Variants in BMPER observed in about 807,000 individuals in gnomAD.
BMPER encodes BMP binding endothelial regulator, also known as BMP-binding endothelial regulator protein.
Under a neutral mutation model 87.3 loss-of-function variants are expected in BMPER, and 45 were observed. That is an observed-to-expected ratio of 0.52 (90% CI 0.41 to 0.66). The LOEUF is 0.66. Ranked by LOEUF, BMPER falls within the 30% of genes least tolerant of loss-of-function variation. The pLI is 0.00. For synonymous variants in BMPER, 326 were observed against 316.2 expected (o/e 1.03, Z -0.33); for missense variants, 784 against 867.5 (o/e 0.90, Z 1.21).
chr7:34,075,575 A>T (rs1788843505), intron 11 of BMPER, among the ~76,000 whole-genome samples: 1 of 152,200 alleles, frequency 6.6e-6, no homozygotes, highest in African/African-American at 2.4e-5. Context: ...ATAAGCTGGC[A>T]TCTTTCTCCC....
chr7:34,125,035 C>A (rs1487295212), intron 13 of BMPER, among the ~76,000 whole-genome samples: 3 of 149,332 alleles, frequency 2.0e-5, no homozygotes, highest in Non-Finnish European at 4.4e-5. Context: ...ATATATTATT[C>A]TTCTAATATA....
chr7:34,060,185 C>T (rs566635656), intron 10 of BMPER, among the ~76,000 whole-genome samples: 1 of 152,178 alleles, frequency 6.6e-6, no homozygotes, highest in Admixed American at 6.5e-5. Flanking sequence ...TTTATTCCCC[C>T]ATCTAATTTA....
rs376348056 is a variant in BMPER at position 34,143,247 on chromosome 7, T to C, written c.1763T>C (p.Met588Thr). ...TCCTATAGGTCCTGTGTGACAGACATGTGTGAATGTCCAGTCCATAAAAAC... is the reference window on the plus strand; with the variant it reads ...TCCTATAGGTCCTGTGTGACAGACACGTGTGAATGTCCAGTCCATAAAAAC... ...ATFYRSCVTDMCECPVHKNCY... is the reference protein window; with the variant it reads ...ATFYRSCVTDTCECPVHKNCY... The change falls in exon 14 of 15, where the codon ATG becomes ACG. Residue 588 changes from methionine (M) to threonine (T), a missense_variant. Met to Thr is a moderately conservative substitution (Grantham distance 81, BLOSUM62 -1). Coordinates refer to ENST00000649409, the MANE Select transcript of BMPER (RefSeq NM_001365308.1). 9 of 1,613,928 alleles carry C rather than the reference T, an allele frequency of 5.6e-6. No individual in the cohort carries two copies. Among genetic ancestry groups the C allele is most frequent in the African/African-American group, 1.3e-5 (1 of 74,906 alleles).
intron 3 of BMPER, among the ~76,000 whole-genome samples, chr7:33,941,072 T>G (rs186879513): frequency 7.4e-6 from 1 of 135,474 alleles, no homozygotes; most frequent in Non-Finnish European, 1.5e-5. Context: ...TTACATATAA[T>G]TTATATATTT....
Position 33,991,102 on chromosome 7 carries a change from C to G in BMPER, c.576+16318C>G, listed in dbSNP as rs965178837. ...CTTTTTTGGTTGTGTCTCTGCCTGG[C>G]TTTGGTATCAGAATGATGCTGGCCT... On this transcript the variant is annotated intron_variant, in intron 6 of 14. Transcript: ENST00000649409. Among the ~76,000 whole-genome samples the G allele has an allele frequency of 3.3e-3, 492 of 146,884 alleles. 3 individuals carry two copies. Among genetic ancestry groups the G allele is most frequent in the African/African-American group, 0.012 (468 of 39,878 alleles).
chr7:34,062,039 G>A lies in BMPER; in HGVS notation c.1070G>A (p.Cys357Tyr). 1 of 1,605,820 alleles carries A rather than the reference G, an allele frequency of 6.2e-7. No individual in the cohort carries two copies. Among genetic ancestry groups the A allele is most frequent in the Non-Finnish European group, 8.5e-7 (1 of 1,176,540 alleles). Residue 357 changes from cysteine (C) to tyrosine (Y), a missense_variant, in exon 11 of 15, where the codon TGC becomes TAC. Physicochemically the swap from Cys to Tyr is radical, Grantham distance 194. Coordinates refer to ENST00000649409, the MANE Select transcript of BMPER (RefSeq NM_001365308.1). ...ILNRKGCCPI[C>Y]TEKPGVCTVF... Reference sequence around the variant, plus strand: ...AACAGAAAAGGATGCTGTCCTATTTGCACTGAAAGTAAGTTTATTCCTTTG... The same window carrying A: ...AACAGAAAAGGATGCTGTCCTATTTACACTGAAAGTAAGTTTATTCCTTTG...
intron 13 of BMPER, among the ~76,000 whole-genome samples, chr7:34,109,464 C>T (rs1430806518): frequency 6.6e-6 from 1 of 152,158 alleles, no homozygotes; most frequent in East Asian, 1.9e-4. Flanking sequence ...CACCTATGAC[C>T]CAGTCAAGTT....
At chr7:33,944,736 A>C (rs1226824905) in intron 3 of BMPER, among the ~76,000 whole-genome samples, 1 of 152,096 alleles carries the variant, frequency 6.6e-6, no homozygotes, top group Non-Finnish European at 1.5e-5. Context: ...TATCTACGTG[A>C]GCTACTTCTA....
At position 34,098,040 on chromosome 7, in the gene BMPER, G is replaced by T. The variant is rs147149911; in HGVS notation, c.1745+11948G>T. 1.3e-3 allele frequency among the ~76,000 whole-genome samples: 196 copies of T among 152,106 alleles called. 1 individual carries two copies. The highest frequency in any genetic ancestry group is 4.4e-3 in the African/African-American group (184 of 41,484). The stretch of plus-strand genomic sequence containing the variant: ...AGGGCACTGGTTTTACTGCCTCCTC[G>T]TTCATGAAGTCATGCCCAGAGAAAG... On this transcript the variant is annotated intron_variant, in intron 13 of 14. Coordinates refer to ENST00000649409, the MANE Select transcript of BMPER (RefSeq NM_001365308.1).
At chr7:34,126,788 G>A (rs886972695) in intron 13 of BMPER, among the ~76,000 whole-genome samples, 2 of 151,908 alleles carry the variant, frequency 1.3e-5, no homozygotes, top group Non-Finnish European at 2.9e-5. Context: ...ATCGTTAACT[G>A]CCCCAGTATT....
rs767779708 is a variant in BMPER at position 33,970,357 on chromosome 7, G to A, written c.431G>A (p.Arg144His). 45 of 1,613,986 alleles carry A rather than the reference G, an allele frequency of 2.8e-5. No homozygotes were observed. Among genetic ancestry groups the A allele is most frequent in the Middle Eastern group, 1.6e-4 (1 of 6,084 alleles). The change falls in exon 5 of 15, where the codon CGC becomes CAC. Residue 144 changes from arginine to histidine, a missense_variant. Transcript: ENST00000649409. ...GGCGTTGTCACAGAGTCTGGGGTGC[G>A]CTGTGTTGTTCATTGTAAAAACCCT... The part of the protein sequence containing the change: ...QEGVVTESGV[R>H]CVVHCKNPLE...
intron 7 of BMPER, among the ~76,000 whole-genome samples, chr7:34,048,059 A>G (rs922654683): frequency 6.6e-6 from 1 of 151,752 alleles, no homozygotes; most frequent in Non-Finnish European, 1.5e-5. Context: ...TGTCCCTTCT[A>G]TTTGAGCTCC....
chr7:33,984,109 G>T (rs1785933844), intron 6 of BMPER, among the ~76,000 whole-genome samples: 1 of 152,088 alleles, frequency 6.6e-6, no homozygotes, highest in Admixed American at 6.6e-5. Flanking sequence ...CATAAACAAA[G>T]AAAATGTGAT....
chr7:33,994,739 A>G (rs1211573780), intron 6 of BMPER, among the ~76,000 whole-genome samples: 2 of 152,154 alleles, frequency 1.3e-5, no homozygotes, highest in African/African-American at 4.8e-5. Flanking sequence ...TGTTGTGAAC[A>G]AAAGGCCATT....
At chr7:34,019,383 C>T (rs992464490) in intron 6 of BMPER, among the ~76,000 whole-genome samples, 4 of 151,998 alleles carry the variant, frequency 2.6e-5, no homozygotes, top group Middle Eastern at 3.2e-3. Flanking sequence ...GACTGACTCT[C>T]GTCTCAGCAC....
At chr7:34,059,085 C>T (rs893131945) in intron 10 of BMPER, among the ~76,000 whole-genome samples, 61 of 150,916 alleles carry the variant, frequency 4.0e-4, no homozygotes, top group Non-Finnish European at 5.2e-4. Context: ...AAACTGAAAG[C>T]CTCCCATAAA....
intron 6 of BMPER, among the ~76,000 whole-genome samples, chr7:34,006,554 A>G (rs1786738722): frequency 1.3e-5 from 2 of 152,090 alleles, no homozygotes; most frequent in Non-Finnish European, 2.9e-5. Context: ...CTAATTTTTT[A>G]TATTCTCTCT....
At position 34,055,284 on chromosome 7, in the gene BMPER, T is replaced by C; in HGVS notation, c.908T>C (p.Phe303Ser). The change falls in exon 9 of 15, where the codon TTT becomes TCT. Residue 303 changes from phenylalanine to serine, a missense_variant. By Grantham distance (155) the Phe-to-Ser change is radical. Transcript: ENST00000649409. The stretch of plus-strand genomic sequence containing the variant: ...CCAGAAGACATCAAAGTATGCAAAT[T>C]TGGCAACAAGATTTTCCAGGTATGT... ...VPPEDIKVCK[F>S]GNKIFQDGEM... 6.2e-7 allele frequency: 1 copy of C among 1,614,080 alleles called. No homozygotes were observed. The highest frequency in any genetic ancestry group is 1.1e-5 in the South Asian group (1 of 91,070).
intron 6 of BMPER, among the ~76,000 whole-genome samples, chr7:34,041,771 A>C (rs1024370425): frequency 6.6e-6 from 1 of 152,082 alleles, no homozygotes; most frequent in African/African-American, 2.4e-5. Context: ...TCTCAGAAGC[A>C]ACTCTAGAGA....
Sources: gnomAD v4.1 joint callset for allele counts (sites outside exome capture counted in the v4.1 genomes callset) on GRCh38, gnomAD v4.1.1 for gene constraint, MANE v1.5 for transcripts, NCBI Gene and HGNC (gene_info 2026-07-23, HGNC 2026-07-21) for gene names.